Variants in TASOR2 observed in about 807,000 individuals in gnomAD.
TASOR2 encodes the protein transcription activation suppressor family member 2.
TASOR2 carries 84 observed loss-of-function variants against 199.5 expected under a neutral mutation model. The ratio of observed to expected loss-of-function variants is 0.42; its 90% CI spans 0.35 to 0.50. TASOR2 has a LOEUF of 0.50. Ranked by LOEUF, TASOR2 falls within the 20% of genes least tolerant of loss-of-function variation. The pLI is 0.02. For synonymous variants in TASOR2, 1,103 were observed against 1,046.6 expected, an observed-to-expected ratio of 1.05 and a Z score of -1.04; for missense variants, 2,796 against 2,835.9, an observed-to-expected ratio of 0.99 and a Z score of 0.32.
rs1363524259 is a variant in TASOR2 at position 5,754,865 on chromosome 10, A to G, written c.6607-1748A>G. On this transcript the variant is annotated intron_variant, in intron 15 of 20. Coordinates refer to ENST00000328090, the Ensembl canonical transcript of TASOR2. The surrounding 1 kb of genome is among the most constrained non-coding windows in gnomAD (Gnocchi z 4.3). ...GAGACCTTCCTGGCTAACACCGTGA[A>G]ACCCCATCTCTACTAAAAATACAAA... is the stretch of plus-strand genomic sequence containing the variant. Among the ~76,000 whole-genome samples the G allele has an allele frequency of 6.6e-6, 1 of 151,580 alleles. No homozygotes were observed. The highest frequency in any genetic ancestry group is 1.5e-5 in the Non-Finnish European group (1 of 67,910).
At position 5,689,323 on chromosome 10, in the gene TASOR2, C is replaced by T. The variant is rs1048723599; in HGVS notation, c.-288+4148C>T. 6.6e-6 allele frequency among the ~76,000 whole-genome samples: 1 copy of T among 151,986 alleles called. No individual in the cohort carries two copies. Among genetic ancestry groups the T allele is most frequent in the Admixed American group, 6.6e-5 (1 of 15,256 alleles). On this transcript the variant is annotated intron_variant, in intron 1 of 20. Coordinates refer to ENST00000328090, the Ensembl canonical transcript of TASOR2. The surrounding 1 kb of genome is among the most constrained non-coding windows in gnomAD (Gnocchi z 4.1). The stretch of plus-strand genomic sequence containing the variant: ...TTGCTGTTAACTTGTATGTATTGGC[C>T]GGGTGCGGTGGCTCACGCCTGTAAT...
chr10:5,724,648 G>GATAGAT (rs1366931932), intron 8 of TASOR2, 115 bp downstream of exon 9: 10 of 187,464 alleles, frequency 5.3e-5, no homozygotes, highest in Middle Eastern at 2.6e-3. Context: ...TAGATAGATA[G>GATAGAT]ATAGATATAG....
rs1180744196 is a variant in TASOR2, at chr10:5,750,655, G to A, written c.6606+628G>A. Among the ~76,000 whole-genome samples, 3 of 152,112 alleles carry A rather than the reference G, an allele frequency of 2.0e-5. No individual in the cohort carries two copies. The highest frequency in any genetic ancestry group is 2.0e-4 in the Admixed American group (3 of 15,274). On this transcript the variant is annotated intron_variant, in intron 15 of 20. Coordinates refer to ENST00000328090, the Ensembl canonical transcript of TASOR2. The surrounding 1 kb of genome is among the most constrained non-coding windows in gnomAD (Gnocchi z 5.4). ...TTTTTAATTTCAAATTTACATAAAG[G>A]TTGCAGAAATAGTACCCTTTACCCA...
At position 5,754,718 on chromosome 10, in the gene TASOR2, A is replaced by C. The variant is rs749988716; in HGVS notation, c.6607-1895A>C. ...TCACTGTTTACAACAGAAAATAACA[A>C]ATGTGCAAAGGTAAAACTACTTGTC... On this transcript the variant is annotated intron_variant, in intron 15 of 20. Transcript: ENST00000328090. This position sits in a 1 kb window ranked among gnomAD's most constrained non-coding sequence, Gnocchi z 4.3. Among the ~76,000 whole-genome samples, 3 of 152,170 alleles carry C rather than the reference A, an allele frequency of 2.0e-5. No homozygotes were observed. Among genetic ancestry groups the C allele is most frequent in the Non-Finnish European group, 4.4e-5 (3 of 68,032 alleles).
rs947867275 is a variant in TASOR2 at position 5,690,365 on chromosome 10, T to C, written c.-288+5190T>C. Among the ~76,000 whole-genome samples, 3 of 152,238 alleles carry C rather than the reference T, an allele frequency of 2.0e-5. No individual in the cohort carries two copies. The highest frequency in any genetic ancestry group is 2.9e-5 in the Non-Finnish European group (2 of 68,038). Reference sequence around the variant, plus strand: ...TTTGTATAAAGATTCACTACCCTCCTTGGCATGGTGAAATAGACCCTGTTT... The same window carrying C: ...TTTGTATAAAGATTCACTACCCTCCCTGGCATGGTGAAATAGACCCTGTTT... On this transcript the variant is annotated intron_variant, in intron 1 of 20. Transcript: ENST00000328090. This position sits in a 1 kb window ranked among gnomAD's most constrained non-coding sequence, Gnocchi z 4.8.
At chr10:5,712,838 C>A in exon 2 of TASOR2, 2 of 1,229,000 alleles carry the variant, frequency 1.6e-6, no homozygotes, top group South Asian at 4.1e-5. Context: ...AACTTTTTAC[C>A]AACAAAAAAA....
chr10:5,727,232 A>C, intron 10 of TASOR2, 109 bp downstream of exon 11: 1 of 1,125,714 alleles, frequency 8.9e-7, no homozygotes, highest in Admixed American at 1.9e-5. Context: ...TTTCCTCTTA[A>C]ATACCTCTTT....
In TASOR2 at chr10:5,740,381, T is replaced by A; in HGVS notation, c.2211T>A (p.Leu737=). 6.2e-7 allele frequency: 1 copy of A among 1,614,226 alleles called. No homozygotes were observed. The highest frequency in any genetic ancestry group is 8.5e-7 in the Non-Finnish European group (1 of 1,180,040). Residue 737 remains leucine, a synonymous_variant, in exon 13 of 21, where the codon CTT becomes CTA. Coordinates refer to ENST00000328090, the Ensembl canonical transcript of TASOR2. The surrounding 1 kb of genome is among the most constrained non-coding windows in gnomAD (Gnocchi z 5.3). ...AATCTTCTTGCTCTCGTATAGTGCTTAGCTGTGATGACTCCGTTAAGATCA... is the reference window on the plus strand; with the variant it reads ...AATCTTCTTGCTCTCGTATAGTGCTAAGCTGTGATGACTCCGTTAAGATCA...
intron 1 of TASOR2, among the ~76,000 whole-genome samples, chr10:5,688,440 G>C (rs1588556309): frequency 1.1e-5 from 1 of 92,004 alleles, no homozygotes; most frequent in Admixed American, 1.6e-4. Flanking sequence ...GTATTGCTAT[G>C]TTGCCCAAGC....
chr10:5,742,971 G>A lies in TASOR2; in HGVS notation c.2757+445G>A, dbSNP rs935071288. ...AAATTATTTTTGAAGACAGATGCTG[G>A]AATAGTAAAATGCCAGACCTGTGAA... On this transcript the variant is annotated intron_variant, in intron 14 of 20. Transcript: ENST00000328090. The surrounding 1 kb of genome is among the most constrained non-coding windows in gnomAD (Gnocchi z 4.2). Among the ~76,000 whole-genome samples, 1 of 152,134 alleles carries A rather than the reference G, an allele frequency of 6.6e-6. No homozygotes were observed. The highest frequency in any genetic ancestry group is 6.5e-5 in the Admixed American group (1 of 15,272).
Position 5,759,096 on chromosome 10 carries a change from C to T in TASOR2, c.6992+104C>T, listed in dbSNP as rs1033819984. ...CCTAGTGCTGCAGTGGAATGGCCTTCATCAGTAAAGAGCATGAGGGCTGCT... is the reference window on the plus strand; with the variant it reads ...CCTAGTGCTGCAGTGGAATGGCCTTTATCAGTAAAGAGCATGAGGGCTGCT... On this transcript the variant is annotated intron_variant, in intron 18 of 20. Transcript: ENST00000328090. 3.9e-6 allele frequency: 3 copies of T among 768,390 alleles called. No homozygotes were observed. The East Asian group carries it at 7.7e-5, about 20-fold the overall frequency. 47.6% of individuals were successfully genotyped at this position (768,390 alleles called of 1,614,324 possible).
exon 7 of TASOR2, chr10:5,723,762 T>C (rs762944149): frequency 1.2e-6 from 2 of 1,601,458 alleles, no homozygotes; most frequent in South Asian, 2.2e-5. Flanking sequence ...AAAACAGAAT[T>C]ACTTGGAGGA....
intron 2 of TASOR2, 90 bp downstream of exon 3, chr10:5,714,297 T>A (rs1832322289): frequency 2.8e-6 from 2 of 721,148 alleles, no homozygotes; most frequent in Non-Finnish European, 3.8e-6. Context: ...ATATGTATAT[T>A]AAAAGCCAGT....
At chr10:5,718,102 A>G (rs557516943) in intron 3 of TASOR2, among the ~76,000 whole-genome samples, 1 of 152,290 alleles carries the variant, frequency 6.6e-6, no homozygotes, top group South Asian at 2.1e-4. Context: ...TTCATTGTCT[A>G]ATTTAAATGG....
chr10:5,704,641 T>G (rs1001532343), intron 1 of TASOR2, among the ~76,000 whole-genome samples: 1 of 152,194 alleles, frequency 6.6e-6, no homozygotes, highest in East Asian at 1.9e-4. Context: ...TCTTATTTGC[T>G]TTGGGTTTAC....
Position 5,739,613 on chromosome 10 carries a change from T to C in TASOR2, c.1448-5T>C. The C allele has an allele frequency of 6.2e-7, 1 of 1,604,834 alleles. No individual in the cohort carries two copies. Among genetic ancestry groups the C allele is most frequent in the Non-Finnish European group, 8.5e-7 (1 of 1,175,200 alleles). On this transcript the variant is annotated splice_polypyrimidine_tract_variant and splice_region_variant and intron_variant, in intron 12 of 20. Coordinates refer to ENST00000328090, the Ensembl canonical transcript of TASOR2. Reference sequence around the variant, plus strand: ...TCTCTCTTTTTTTTTTCTTTTATACTGAAGTCAAAGGAGAAACTGCTTCAA... The same window carrying C: ...TCTCTCTTTTTTTTTTCTTTTATACCGAAGTCAAAGGAGAAACTGCTTCAA...
Position 5,756,756 on chromosome 10 carries a change from T to C in TASOR2, c.6732+18T>C, listed in dbSNP as rs1439929837. 1 of 1,608,998 alleles carries C rather than the reference T, an allele frequency of 6.2e-7. No individual in the cohort carries two copies. The highest frequency in any genetic ancestry group is 2.2e-5 in the East Asian group (1 of 44,678). ...TGCATCAGGTCGGTTGGAAATACCT[T>C]ACAAAGAAACGTATTCCAGGCACAT... On this transcript the variant is annotated intron_variant, in intron 16 of 20. Transcript: ENST00000328090.
At position 5,748,282 on chromosome 10, in the gene TASOR2, G is replaced by C. The variant is rs778354641; in HGVS notation, c.4861G>C (p.Gly1621Arg). 1 of 1,614,162 alleles carries C rather than the reference G, an allele frequency of 6.2e-7. No individual in the cohort carries two copies. ...AAGCAGTCAGAACCATCTCTTTCCC[G>C]GTGATTTGAAAACAGATGAAGGCAT... The change falls in exon 15 of 21, where the codon GGT (glycine) becomes CGT (arginine). Residue 1621 changes from glycine to arginine, a missense_variant. Gly to Arg is a moderately radical substitution (Grantham distance 125). This residue lies in a region of TASOR2 where 1,941 missense variants were observed against 1,924.9 expected (regional missense o/e 1.01). Coordinates refer to ENST00000328090, the Ensembl canonical transcript of TASOR2. The surrounding 1 kb of genome is among the most constrained non-coding windows in gnomAD (Gnocchi z 5.1).
chr10:5,757,522 T>A, exon 17 of TASOR2: 1 of 1,598,896 alleles, frequency 6.3e-7, no homozygotes, highest in South Asian at 1.1e-5. Flanking sequence ...TCATGCAGAT[T>A]CCTTCTTTGC....
Sources: allele counts gnomAD v4.1 joint callset (sites outside exome capture counted in the v4.1 genomes callset), GRCh38; gene constraint gnomAD v4.1.1; regional missense constraint gnomAD v4.1.1; non-coding constraint Gnocchi (gnomAD v3.1); transcripts MANE v1.5; gene names NCBI Gene and HGNC (gene_info 2026-07-23, HGNC 2026-07-21).